Variants in DTL observed in about 807,000 individuals in gnomAD.
DTL encodes the protein denticleless E3 ubiquitin protein ligase adapter.
Under a neutral mutation model 87.0 loss-of-function variants are expected in DTL, and 46 were observed. The ratio of observed to expected loss-of-function variants is 0.53; its 90% CI spans 0.42 to 0.68. DTL has a LOEUF of 0.68. Ranked by LOEUF, DTL falls within the 30% of genes least tolerant of loss-of-function variation. The probability of loss-of-function intolerance (pLI) is 0.00; values close to 1 mark genes in which losing one functional copy is unlikely to be tolerated. For missense variants in DTL, 737 were observed against 869.4 expected, an observed-to-expected ratio of 0.85 and a Z score of 1.91; for synonymous variants, 308 against 311.2, an observed-to-expected ratio of 0.99 and a Z score of 0.11.
At chr1:212,050,128 G>C (rs1667922293) in intron 5 of DTL, among the ~76,000 whole-genome samples, 1 of 152,116 alleles carries the variant, frequency 6.6e-6, no homozygotes. Flanking sequence ...CTGTGATTGT[G>C]CCATCATACT....
intron 13 of DTL, among the ~76,000 whole-genome samples, chr1:212,093,319 G>A (rs1042287362): frequency 6.6e-6 from 1 of 152,168 alleles, no homozygotes; most frequent in African/African-American, 2.4e-5. Flanking sequence ...TGCTCTTTTA[G>A]TTTTGCTGTC....
In DTL at chr1:212,100,809, A is replaced by G. The variant is rs1275762715; in HGVS notation, c.1819A>G (p.Lys607Glu). Reference protein sequence around the residue: ...DLSKDSLGPTKSSKIEGAGTS... With the variant: ...DLSKDSLGPTESSKIEGAGTS... ...TAGTAAGGACTCTCTAGGTCCTACC[A>G]AATCAAGCAAAATTGAAGGAGCTGG... Residue 607 changes from lysine (K) to glutamate (E), a missense_variant, in exon 14 of 15, where the codon AAA becomes GAA. By Grantham distance (56) the Lys-to-Glu change is moderately conservative. Coordinates refer to ENST00000366991, the MANE Select transcript of DTL (RefSeq NM_016448.4). 6.2e-7 allele frequency: 1 copy of G among 1,614,182 alleles called. No homozygotes were observed. Among genetic ancestry groups the G allele is most frequent in the Admixed American group, 1.7e-5 (1 of 60,022 alleles).
At chr1:212,069,923 G>A (rs1160866558) in intron 10 of DTL, among the ~76,000 whole-genome samples, 2 of 152,096 alleles carry the variant, frequency 1.3e-5, no homozygotes, top group Non-Finnish European at 2.9e-5. Context: ...CTTTAGTATC[G>A]GTGGCAGCAT....
At chr1:212,095,760 G>A (rs1361322783) in intron 13 of DTL, among the ~76,000 whole-genome samples, 1 of 152,182 alleles carries the variant, frequency 6.6e-6, no homozygotes, top group Non-Finnish European at 1.5e-5. Flanking sequence ...TTGATATACT[G>A]TTGGATTTGG....
intron 11 of DTL, among the ~76,000 whole-genome samples, chr1:212,076,597 CAAT>C (rs1654838321): frequency 6.6e-6 from 1 of 152,006 alleles, no homozygotes; most frequent in African/African-American, 2.4e-5. Flanking sequence ...CAATGGAAGA[CAAT>C]AATGTATTTC....
In DTL at chr1:212,043,844, A is replaced by G. The variant is rs986849732; in HGVS notation, c.178+726A>G. Among the ~76,000 whole-genome samples, 349 of 151,486 alleles carry G rather than the reference A, an allele frequency of 2.3e-3. 3 individuals carry two copies. Among genetic ancestry groups the G allele is most frequent in the African/African-American group, 7.9e-3 (327 of 41,392 alleles). On this transcript the variant is annotated intron_variant, in intron 2 of 14. Transcript: ENST00000366991. ...CTTCATCTCCAAAAAAAAAAAAAAA[A>G]AAGAAATAGAAGTATTTGTCTCCAC...
intron 13 of DTL, among the ~76,000 whole-genome samples, chr1:212,094,520 G>C (rs959526562): frequency 5.3e-5 from 8 of 152,198 alleles, no homozygotes; most frequent in African/African-American, 1.9e-4. Flanking sequence ...AGTGTAGTTT[G>C]AAGTCAGGTA....
At chr1:212,078,025 GT>G (rs5780675) in intron 11 of DTL, 147 bp from the exon 12 acceptor site, 359,274 of 395,562 alleles carry the variant, frequency 0.91, 162,133 homozygotes, top group East Asian at 0.97. Context: ...GAAATCTGTT[GT>G]TTTTTTTTTC....
chr1:212,042,682 A>G (rs140381182), intron 1 of DTL, among the ~76,000 whole-genome samples: 36 of 152,298 alleles, frequency 2.4e-4, no homozygotes, highest in African/African-American at 8.4e-4. Flanking sequence ...CTTTGGTAGG[A>G]GAAGGGGGAA....
intron 13 of DTL, among the ~76,000 whole-genome samples, chr1:212,090,459 T>C (rs1366609251): frequency 8.3e-6 from 1 of 120,746 alleles, no homozygotes; most frequent in Non-Finnish European, 1.7e-5. Flanking sequence ...TAGTTAACAA[T>C]TCAAAGGCTT....
intron 1 of DTL, among the ~76,000 whole-genome samples, chr1:212,040,564 CATG>C (rs1313435945): frequency 6.6e-6 from 1 of 152,174 alleles, no homozygotes; most frequent in East Asian, 1.9e-4. Flanking sequence ...TTGCCCTTCT[CATG>C]ATGATGTGAG....
intron 13 of DTL, among the ~76,000 whole-genome samples, chr1:212,098,112 TC>T: frequency 1.3e-5 from 2 of 152,292 alleles, no homozygotes; most frequent in South Asian, 4.1e-4. Context: ...TAGCACCTGC[TC>T]TAATGGAGGT....
At position 212,072,320 on chromosome 1, in the gene DTL, C is replaced by G. The variant is rs536400371; in HGVS notation, c.1035+107C>G. ...AATGTAACCACGTGCTATACTATTC[C>G]TGCATCAGATATTTAGTAAAGGTTG... On this transcript the variant is annotated intron_variant, in intron 11 of 14. Transcript: ENST00000366991. 3.7e-5 allele frequency: 30 copies of G among 813,266 alleles called. No individual in the cohort carries two copies. The Admixed American group carries it at 4.4e-4, about 12-fold the overall frequency. 50.4% of individuals were successfully genotyped at this position (813,266 alleles called of 1,614,324 possible). A position where few individuals can be genotyped will look rare whatever the true frequency, so the allele number is the denominator to read the frequency against.
At chr1:212,069,031 T>C (rs1654592624) in intron 10 of DTL, among the ~76,000 whole-genome samples, 1 of 152,198 alleles carries the variant, frequency 6.6e-6, no homozygotes, top group Non-Finnish European at 1.5e-5. Context: ...GCTTTTTTCC[T>C]CTTTAGGGGC....
At chr1:212,096,022 T>G (rs1655435545) in intron 13 of DTL, among the ~76,000 whole-genome samples, 1 of 152,198 alleles carries the variant, frequency 6.6e-6, no homozygotes, top group African/African-American at 2.4e-5. Context: ...CTTGGCAATT[T>G]TTTTATTACC....
intron 7 of DTL, among the ~76,000 whole-genome samples, chr1:212,065,615 G>T (rs1207943673): frequency 1.3e-5 from 2 of 152,128 alleles, no homozygotes; most frequent in Non-Finnish European, 2.9e-5. Flanking sequence ...AAAAGTGGGG[G>T]AGGAGTAGTT....
At chr1:212,091,944 GTATA>G (rs1226759804) in intron 13 of DTL, among the ~76,000 whole-genome samples, 2 of 152,078 alleles carry the variant, frequency 1.3e-5, no homozygotes, top group Non-Finnish European at 2.9e-5. Context: ...TTACGAAATA[GTATA>G]TATATAGTGA....
chr1:212,085,533 T>C (rs1354737104), intron 13 of DTL, among the ~76,000 whole-genome samples: 7 of 152,246 alleles, frequency 4.6e-5, no homozygotes, highest in Admixed American at 4.6e-4. Flanking sequence ...ATTCTTTATA[T>C]ATTCTGGACA....
intron 10 of DTL, among the ~76,000 whole-genome samples, chr1:212,068,924 G>A (rs1654590211): frequency 6.6e-6 from 1 of 152,176 alleles, no homozygotes; most frequent in Non-Finnish European, 1.5e-5. Flanking sequence ...TATTTTAATA[G>A]AGAGTATCTC....
Sources: allele counts gnomAD v4.1 joint callset (sites outside exome capture counted in the v4.1 genomes callset), GRCh38; gene constraint gnomAD v4.1.1; transcripts MANE v1.5; gene names NCBI Gene and HGNC (gene_info 2026-07-23, HGNC 2026-07-21).